The following VWCE variants were observed in gnomAD, a reference collection of about 807,000 sequenced individuals.
VWCE encodes von Willebrand factor C and EGF domain-containing protein.
Under a neutral mutation model 102.9 loss-of-function variants are expected in VWCE, and 68 were observed. The ratio of observed to expected loss-of-function variants is 0.66; its 90% CI spans 0.54 to 0.81. VWCE has a LOEUF of 0.81. Ranked by LOEUF, VWCE falls within the 30% of genes least tolerant of loss-of-function variation. The pLI is 0.00. For synonymous variants in VWCE, 497 were observed against 515.4 expected (o/e 0.96, Z 0.48); for missense variants, 1,137 against 1,263.6 (o/e 0.90, Z 1.52).
rs1254988946 is a variant in VWCE, at chr11:61,294,341, C to G, written c.110+587G>C. Among the ~76,000 whole-genome samples, 1 of 152,208 alleles carries G rather than the reference C, an allele frequency of 6.6e-6. No homozygotes were observed. The highest frequency in any genetic ancestry group is 2.4e-5 in the African/African-American group (1 of 41,456). ...TCCCTAGCTCCGAGCATCACGCACA[C>G]ACGCGCACGGCCCCACCGCGGCCCG... On this transcript the variant is annotated intron_variant, in intron 1 of 19. Transcript: ENST00000335613. The surrounding 1 kb of genome is among the most constrained non-coding windows in gnomAD (Gnocchi z 6.3).
At chr11:61,293,416 C>CAA (rs752077588) in intron 1 of VWCE, among the ~76,000 whole-genome samples, 41 of 61,712 alleles carry the variant, frequency 6.6e-4, no homozygotes, top group South Asian at 1.6e-3. Context: ...GATTCTGTCT[C>CAA]AAAAAAAAAA....
At chr11:61,286,172 T>C (rs1855313309) in intron 5 of VWCE, 142 bp downstream of exon 5, 3 of 824,886 alleles carry the variant, frequency 3.6e-6, no homozygotes, top group Admixed American at 1.9e-5. Flanking sequence ...GGAACCATAA[T>C]AGCATCTCCC....
chr11:61,289,808 T>C (rs974095143), intron 4 of VWCE, among the ~76,000 whole-genome samples: 4 of 152,202 alleles, frequency 2.6e-5, no homozygotes, highest in Non-Finnish European at 4.4e-5. Flanking sequence ...TATTTTCATC[T>C]TTCTCCTCTT....
chr11:61,283,174 C>G (rs1050275698), intron 5 of VWCE, among the ~76,000 whole-genome samples: 1 of 152,162 alleles, frequency 6.6e-6, no homozygotes, highest in African/African-American at 2.4e-5. Flanking sequence ...CTATCTCTAC[C>G]TAGGTTCCTT....
chr11:61,286,149 C>T (rs1226883827), intron 5 of VWCE, 165 bp downstream of exon 5: 3 of 734,612 alleles, frequency 4.1e-6, no homozygotes, highest in African/African-American at 1.7e-5. Context: ...TCAGTCTCCA[C>T]ATCAGTCAGA....
At chr11:61,284,906 G>A (rs1398661775) in intron 5 of VWCE, among the ~76,000 whole-genome samples, 4 of 151,826 alleles carry the variant, frequency 2.6e-5, no homozygotes, top group African/African-American at 4.8e-5. Flanking sequence ...TTGCAACAAT[G>A]CACTCCTGGG....
Position 61,260,566 on chromosome 11 carries a change from G to A in VWCE, c.2231-1254C>T, listed in dbSNP as rs529529077. Among the ~76,000 whole-genome samples, 12 of 152,228 alleles carry A rather than the reference G, an allele frequency of 7.9e-5. No individual in the cohort carries two copies. The South Asian group carries it at 8.3e-4, about 11-fold the overall frequency. On this transcript the variant is annotated intron_variant, in intron 19 of 19. Coordinates refer to ENST00000335613, the MANE Select transcript of VWCE (RefSeq NM_152718.2). ...TCCTGCCTTAGCCTCCCAAAGTGCCGGGGTTATAAGTGTGATCCACGGTGC... is the reference window on the plus strand; with the variant it reads ...TCCTGCCTTAGCCTCCCAAAGTGCCAGGGTTATAAGTGTGATCCACGGTGC...
chr11:61,294,961 C>G lies in VWCE; in HGVS notation c.77G>C (p.Gly26Ala). The G allele has an allele frequency of 1.4e-6, 2 of 1,462,676 alleles. No homozygotes were observed. The highest frequency in any genetic ancestry group is 1.8e-6 in the Non-Finnish European group (2 of 1,106,740). 90.6% of individuals were successfully genotyped at this position (1,462,676 alleles called of 1,614,324 possible). The change falls in exon 1 of 20, where the codon GGG (glycine) becomes GCG (alanine). Residue 26 changes from glycine (G) to alanine (A), a missense_variant. By Grantham distance (60) the Gly-to-Ala change is moderately conservative. Coordinates refer to ENST00000335613, the MANE Select transcript of VWCE (RefSeq NM_152718.2). This position sits in a 1 kb window ranked among gnomAD's most constrained non-coding sequence, Gnocchi z 6.3. ...CGCGAAGTGCCCGGGCGGCTTCCTC[C>G]CGGTGTAGCCTCGGGCTGGTGCCCC... ...LPGAPARGYT[G>A]RKPPGHFAAE...
In VWCE at chr11:61,295,299, T is replaced by C. The variant is rs1246274926; in HGVS notation, c.-262A>G. ...AAAGGCAACGCCGCCCGCCTGCTGA[T>C]GCCTCTCCGAGAGGCGCGGAGCCCG... On this transcript the variant is annotated 5_prime_UTR_variant, in exon 1 of 20. Coordinates refer to ENST00000335613, the MANE Select transcript of VWCE (RefSeq NM_152718.2). The surrounding 1 kb of genome is among the most constrained non-coding windows in gnomAD (Gnocchi z 4.6). The C allele has an allele frequency of 3.1e-6, 1 of 317,708 alleles. No homozygotes were observed. Among genetic ancestry groups the C allele is most frequent in the African/African-American group, 2.2e-5 (1 of 46,352 alleles). The allele number at this position is 317,708 out of a possible 1,614,324, so 19.7% of individuals were successfully genotyped here. A position where few individuals can be genotyped will look rare whatever the true frequency, so the allele number is the denominator to read the frequency against.
chr11:61,265,147 G>A lies in VWCE; in HGVS notation c.2031C>T (p.Asp677=), dbSNP rs61746696. ...CTCGGCACACGGGGCAGCACTCCCC[G>A]TCAGGGTGGAAAGGGTAGGTACAGG... The part of the protein sequence containing the change: ...PITCTYPFHP[D]GECCPVCRDC... Residue 677 remains aspartate, a synonymous_variant, in exon 17 of 20, where the codon GAC becomes GAT. Coordinates refer to ENST00000335613, the MANE Select transcript of VWCE (RefSeq NM_152718.2). 1,632 of 1,585,560 alleles carry A rather than the reference G, an allele frequency of 1.0e-3. 22 individuals carry two copies. The African/African-American group carries it at 0.018, about 17-fold the overall frequency.
At chr11:61,286,506 GA>G in intron 4 of VWCE, 76 bp from the exon 5 acceptor site, 1 of 1,419,216 alleles carries the variant, frequency 7.0e-7, no homozygotes, top group Non-Finnish European at 9.8e-7. Flanking sequence ...TGTCTGGGAA[GA>G]AAGCACCCTT....
At chr11:61,283,152 C>G (rs1471122518) in intron 5 of VWCE, among the ~76,000 whole-genome samples, 5 of 152,174 alleles carry the variant, frequency 3.3e-5, no homozygotes, top group African/African-American at 1.2e-4. Flanking sequence ...ATAGCCAGAG[C>G]CTCCAGTGTG....
chr11:61,281,559 G>T (rs967048174), intron 7 of VWCE, among the ~76,000 whole-genome samples: 1 of 152,190 alleles, frequency 6.6e-6, no homozygotes, highest in African/African-American at 2.4e-5. Context: ...GGAAGAAAGT[G>T]GAGTGTTGAA....
At chr11:61,268,817 C>A in intron 15 of VWCE, 105 bp downstream of exon 15, 1 of 1,167,294 alleles carries the variant, frequency 8.6e-7, no homozygotes, top group Non-Finnish European at 1.2e-6. Context: ...GGGGTTGTCC[C>A]TTGGGGTTGT....
At chr11:61,290,737 G>C (rs368085462) in intron 4 of VWCE, 62 bp downstream of exon 4, 4 of 1,541,832 alleles carry the variant, frequency 2.6e-6, no homozygotes, top group African/African-American at 1.4e-5. Context: ...CTGGCAGGAG[G>C]GGGAGGAGAT....
intron 19 of VWCE, among the ~76,000 whole-genome samples, chr11:61,260,249 C>T (rs927513169): frequency 4.6e-5 from 7 of 151,988 alleles, no homozygotes; most frequent in African/African-American, 1.7e-4. Context: ...AGCAGGACTC[C>T]GTTTCACCAA....
In VWCE at chr11:61,274,549, C is replaced by T. The variant is rs901949757; in HGVS notation, c.1531G>A (p.Gly511Arg). 19 of 1,613,812 alleles carry T rather than the reference C, an allele frequency of 1.2e-5. No homozygotes were observed. Among genetic ancestry groups the T allele is most frequent in the Non-Finnish European group, 1.4e-5 (16 of 1,179,948 alleles). ...TCACCACCCCCACTGAACACAGCCC[C>T]GTCTGCGTACCACCGGCCGTGGAAA... Reference protein sequence around the residue: ...CYFHGRWYADGAVFSGGGDEC... With the variant: ...CYFHGRWYADRAVFSGGGDEC... Residue 511 changes from glycine to arginine, a missense_variant, in exon 12 of 20, where the codon GGG becomes AGG. Physicochemically the swap from Gly to Arg is moderately radical, Grantham distance 125. Coordinates refer to ENST00000335613, the MANE Select transcript of VWCE (RefSeq NM_152718.2).
rs1855488595 is a variant in VWCE at position 61,291,059 on chromosome 11, C to G, written c.296-132G>C. 5.7e-6 allele frequency: 8 copies of G among 1,405,826 alleles called. No homozygotes were observed. The South Asian group carries it at 1.2e-4, about 20-fold the overall frequency. 87.1% of individuals were successfully genotyped at this position (1,405,826 alleles called of 1,614,324 possible). On this transcript the variant is annotated intron_variant, in intron 3 of 19. Coordinates refer to ENST00000335613, the MANE Select transcript of VWCE (RefSeq NM_152718.2). ...AACAGGCCTGGGTTTAAATCCAGCT[C>G]TGCCATTTACCAGCTGTGTGACCCC...
At chr11:61,288,407 C>T (rs1855399820) in intron 4 of VWCE, among the ~76,000 whole-genome samples, 1 of 152,060 alleles carries the variant, frequency 6.6e-6, no homozygotes, top group Non-Finnish European at 1.5e-5. Context: ...CCACTGTGGC[C>T]CCCAAGCCCA....
Sources: allele counts gnomAD v4.1 joint callset (sites outside exome capture counted in the v4.1 genomes callset), GRCh38; gene constraint gnomAD v4.1.1; non-coding constraint Gnocchi (gnomAD v3.1); transcripts MANE v1.5; gene names NCBI Gene and HGNC (gene_info 2026-07-23, HGNC 2026-07-21).